EGFR: variants seen among roughly 807,000 people sequenced by gnomAD.
EGFR encodes the protein epidermal growth factor receptor, also known as avian erythroblastic leukemia viral (v-erb-b) oncogene homolog.
In EGFR, 58 loss-of-function variants were observed where a neutral mutation model predicts 143.0. That is an observed-to-expected ratio of 0.41 (90% confidence interval 0.33 to 0.50). The LOEUF (loss-of-function observed/expected upper bound fraction) is 0.50, where lower values mean the gene tolerates loss of function less well. EGFR is among the 20% of genes least tolerant of loss of function. EGFR has a pLI of 0.39. For missense variants in EGFR, 1,307 were observed against 1,579.0 expected (o/e 0.83, Z 2.92); for synonymous variants, 613 against 594.4 (o/e 1.03, Z -0.45).
chr7:55,027,925 A>C (rs1325351757), intron 1 of EGFR, among the ~76,000 whole-genome samples: 1 of 149,828 alleles, frequency 6.7e-6, no homozygotes, highest in Non-Finnish European at 1.5e-5. Flanking sequence ...GCAACAAATA[A>C]AGAGTGGAGT....
intron 19 of EGFR, among the ~76,000 whole-genome samples, chr7:55,179,452 G>A (rs1280873157): frequency 1.3e-5 from 2 of 152,200 alleles, no homozygotes; most frequent in Admixed American, 6.5e-5. Context: ...AGGCTCCTCT[G>A]AGAAAGAGTC....
chr7:55,153,412 C>G (rs887811077), intron 6 of EGFR, among the ~76,000 whole-genome samples: 1 of 152,190 alleles, frequency 6.6e-6, no homozygotes, highest in Non-Finnish European at 1.5e-5. Context: ...AGACTAAATC[C>G]AGAGCACTCT....
At chr7:55,129,558 G>A (rs1234977722) in intron 1 of EGFR, among the ~76,000 whole-genome samples, 1 of 152,204 alleles carries the variant, frequency 6.6e-6, no homozygotes, top group Non-Finnish European at 1.5e-5. Context: ...TGGGAAGGCA[G>A]GGGCCCTGGG....
chr7:55,153,935 C>A (rs1785279314), intron 6 of EGFR, 76 bp from the exon 7 acceptor site: 2 of 1,606,812 alleles, frequency 1.2e-6, no homozygotes, highest in South Asian at 1.1e-5. Context: ...GGAGTCAACA[C>A]CGTGCTGCGC....
At chr7:55,058,732 G>A (rs1788986695) in intron 1 of EGFR, among the ~76,000 whole-genome samples, 1 of 151,952 alleles carries the variant, frequency 6.6e-6, no homozygotes, top group Non-Finnish European at 1.5e-5. Flanking sequence ...TAACTATTGG[G>A]GTACTAGGCT....
At chr7:55,085,461 C>A (rs754204525) in intron 1 of EGFR, among the ~76,000 whole-genome samples, 1 of 152,234 alleles carries the variant, frequency 6.6e-6, no homozygotes, top group East Asian at 1.9e-4. Flanking sequence ...CCACTGTGCA[C>A]GCCCTCTTGT....
intron 1 of EGFR, among the ~76,000 whole-genome samples, chr7:55,135,160 G>C (rs1794065782): frequency 6.6e-6 from 1 of 152,134 alleles, no homozygotes. Flanking sequence ...CAAATCACAA[G>C]CTTGGCTTTG....
At chr7:55,036,287 GGT>G (rs1787579579) in intron 1 of EGFR, among the ~76,000 whole-genome samples, 9 of 44,742 alleles carry the variant, frequency 2.0e-4, no homozygotes, top group Admixed American at 6.9e-4. Context: ...GGGGGGGGTG[GGT>G]GTGTGTGTGT....
intron 17 of EGFR, 96 bp from the exon 18 acceptor site, chr7:55,173,825 T>A (rs1786467676): frequency 6.2e-7 from 1 of 1,603,082 alleles, no homozygotes; most frequent in African/African-American, 1.3e-5. Flanking sequence ...GCCCATGCCG[T>A]GGCTGCTGGT....
chr7:55,055,328 G>A (rs1788744531), intron 1 of EGFR, among the ~76,000 whole-genome samples: 1 of 152,100 alleles, frequency 6.6e-6, no homozygotes, highest in African/African-American at 2.4e-5. Flanking sequence ...GGGCCCTACA[G>A]GTATTTTTTT....
At position 55,205,736 on chromosome 7, in the gene EGFR, T is replaced by G. The variant is rs868589579; in HGVS notation, c.*119T>G. The G allele has an allele frequency of 3.9e-6, 6 of 1,521,216 alleles. No homozygotes were observed. Among genetic ancestry groups the G allele is most frequent in the African/African-American group, 2.7e-5 (2 of 73,010 alleles). 94.2% of individuals were successfully genotyped at this position (1,521,216 alleles called of 1,614,324 possible). Reference sequence around the variant, plus strand: ...ATTAGCTCTTAGACCCACAGACTGGTTTTGCAACGTTTACACCGACTAGCC... The same window carrying G: ...ATTAGCTCTTAGACCCACAGACTGGGTTTGCAACGTTTACACCGACTAGCC... On this transcript the variant is annotated 3_prime_UTR_variant, in exon 28 of 28. Transcript: ENST00000275493.
intron 1 of EGFR, among the ~76,000 whole-genome samples, chr7:55,135,110 C>G (rs1199793494): frequency 6.6e-6 from 1 of 152,174 alleles, no homozygotes; most frequent in Non-Finnish European, 1.5e-5. Context: ...AGGGTGGGAA[C>G]TCCCAAGAGG....
At chr7:55,019,515 G>C (rs1035831076) in intron 1 of EGFR, 150 bp downstream of exon 1, 21 of 324,508 alleles carry the variant, frequency 6.5e-5, no homozygotes, top group African/African-American at 3.1e-4. Flanking sequence ...GCCGCCGACC[G>C]GGACCGCGGG....
At chr7:55,189,279 C>T (rs1226454030) in intron 20 of EGFR, among the ~76,000 whole-genome samples, 1 of 152,146 alleles carries the variant, frequency 6.6e-6, no homozygotes, top group African/African-American at 2.4e-5. Flanking sequence ...TCTGTGCAGC[C>T]ACATGCTTCA....
intron 1 of EGFR, among the ~76,000 whole-genome samples, chr7:55,105,101 C>A (rs958062535): frequency 1.3e-5 from 2 of 152,182 alleles, no homozygotes; most frequent in Admixed American, 1.3e-4. Context: ...GATTTGGAGT[C>A]TAATGAATGT....
chr7:55,174,004 C>T lies in EGFR; in HGVS notation c.2145C>T (p.Ile715=), dbSNP rs764470595. Residue 715 remains isoleucine (I), a synonymous_variant, in exon 18 of 28, where the codon ATC becomes ATT. Transcript: ENST00000275493. ...TGAAGGAAACTGAATTCAAAAAGAT[C>T]AAAGTGCTGGGCTCCGGTGCGTTCG... ...RILKETEFKK[I]KVLGSGAFGT... 6.2e-7 allele frequency: 1 copy of T among 1,614,234 alleles called. No individual in the cohort carries two copies. Among genetic ancestry groups the T allele is most frequent in the South Asian group, 1.1e-5 (1 of 91,082 alleles).
intron 20 of EGFR, among the ~76,000 whole-genome samples, chr7:55,184,532 G>T (rs372298013): frequency 6.6e-6 from 1 of 152,212 alleles, no homozygotes; most frequent in Non-Finnish European, 1.5e-5. Context: ...AACTTAGTGC[G>T]TGTCCCATTT....
At chr7:55,066,483 T>C (rs2128881411) in intron 1 of EGFR, among the ~76,000 whole-genome samples, 1 of 152,296 alleles carries the variant, frequency 6.6e-6, no homozygotes, top group East Asian at 1.9e-4. Flanking sequence ...GGCACACAAG[T>C]AAATCAAATA....
chr7:55,165,136 TA>T, intron 14 of EGFR, 143 bp from the exon 15 acceptor site: 1 of 1,178,326 alleles, frequency 8.5e-7, no homozygotes, highest in Non-Finnish European at 1.2e-6. Context: ...AATCACAGAA[TA>T]ACTGGTTTTC....
Sources: gnomAD v4.1 joint callset for allele counts (sites outside exome capture counted in the v4.1 genomes callset) on GRCh38, gnomAD v4.1.1 for gene constraint, MANE v1.5 for transcripts, NCBI Gene and HGNC (gene_info 2026-07-23, HGNC 2026-07-21) for gene names.